The following NUDT16L1 variants were observed in gnomAD, a reference collection of about 807,000 sequenced individuals.
NUDT16L1 encodes tudor-interacting repair regulator protein.
NUDT16L1 carries 19 observed loss-of-function variants against 17.3 expected under a neutral mutation model. That is an observed-to-expected ratio of 1.10 (90% CI 0.77 to 1.61). The LOEUF is 1.61. NUDT16L1 is among the 40% of genes most tolerant of loss of function. The pLI is 0.00. For synonymous variants in NUDT16L1, 255 were observed against 138.6 expected (o/e 1.84, Z -5.90); for missense variants, 341 against 292.0 (o/e 1.17, Z -1.22).
chr16:4,694,150 T>A, exon 2 of NUDT16L1: 2 of 1,587,382 alleles, frequency 1.3e-6, no homozygotes, highest in Non-Finnish European at 1.7e-6. Flanking sequence ...CACCGCGTCG[T>A]GGCGCACCTG....
Position 4,694,715 on chromosome 16 carries a change from G to A in NUDT16L1, c.415-243G>A, listed in dbSNP as rs1596330412. The A allele has an allele frequency of 2.8e-6, 4 of 1,424,958 alleles. No homozygotes were observed. In the Admixed American group the frequency reaches 8.7e-5, roughly 31 times the overall value. 88.3% of individuals were successfully genotyped at this position (1,424,958 alleles called of 1,614,324 possible). On this transcript the variant is annotated intron_variant, in intron 2 of 2. Coordinates refer to ENST00000304301, the Ensembl canonical transcript of NUDT16L1. ...GAGCATGGGGTGCGGACCCCGGGGT[G>A]GGGTGGCCTGGGTACGAGGGGGGGG...
At chr16:4,694,384 G>A (rs1319963113) in intron 2 of NUDT16L1, 146 bp downstream of exon 2, 1 of 1,485,598 alleles carries the variant, frequency 6.7e-7, no homozygotes, top group Non-Finnish European at 8.9e-7. Flanking sequence ...TGGGGAGAGG[G>A]GTCTGGGGCT....
At chr16:4,695,424 T>C in exon 3 of NUDT16L1, 1 of 594,804 alleles carries the variant, frequency 1.7e-6, no homozygotes, top group South Asian at 2.1e-5. Flanking sequence ...AGCCTCAGGA[T>C]GCTCTTGTTT....
intron 2 of NUDT16L1, chr16:4,694,683 A>G: frequency 3.3e-6 from 4 of 1,201,144 alleles, no homozygotes; most frequent in East Asian, 4.1e-5. Flanking sequence ...CGTTGGGTGG[A>G]CGGGGGGAGC....
chr16:4,694,581 TTG>T (rs1567266239), intron 2 of NUDT16L1: 1 of 1,432,486 alleles, frequency 7.0e-7, no homozygotes, highest in East Asian at 2.6e-5. Context: ...ACAGCGGGGG[TTG>T]TAAAACTTGG....
exon 3 of NUDT16L1, chr16:4,695,779 T>C (rs1311625075): frequency 2.5e-6 from 1 of 396,486 alleles, no homozygotes; most frequent in Non-Finnish European, 4.4e-6. Flanking sequence ...AGTCAGGGCC[T>C]CGGGGGCCCA....
upstream of NUDT16L1, chr16:4,693,598 G>A: frequency 8.9e-7 from 1 of 1,129,202 alleles, no homozygotes; most frequent in Non-Finnish European, 1.1e-6. Flanking sequence ...GCTCGGTCCC[G>A]GGGCGCGCCG....
At position 4,695,404 on chromosome 16, in the gene NUDT16L1, C is replaced by G. The variant is rs545479187; in HGVS notation, c.*225C>G. The G allele has an allele frequency of 6.2e-4, 372 of 597,768 alleles. 2 individuals are homozygous for G. The highest frequency in any genetic ancestry group is 8.6e-5 in the Non-Finnish European group (29 of 335,804). The allele number at this position is 597,768 out of a possible 1,614,324, so 37.0% of individuals were successfully genotyped here. A position where few individuals can be genotyped will look rare whatever the true frequency, so the allele number is the denominator to read the frequency against. ...GCAGGGTGGTCCGGGCACACTGGGC[C>G]TGCCTCTCCAGCCTCAGGATGCTCT... On this transcript the variant is annotated 3_prime_UTR_variant, in exon 3 of 3. Transcript: ENST00000304301.
exon 3 of NUDT16L1, chr16:4,694,982 C>T: frequency 6.2e-7 from 1 of 1,611,352 alleles, no homozygotes; most frequent in Non-Finnish European, 8.5e-7. Context: ...GCGGGTCCCG[C>T]TGTACACCCA....
At chr16:4,695,115 C>T in exon 3 of NUDT16L1, 3 of 1,609,732 alleles carry the variant, frequency 1.9e-6, no homozygotes, top group Non-Finnish European at 2.5e-6. Flanking sequence ...CTGGTTGAGG[C>T]CCTGGCTGCA....
At chr16:4,695,180 G>A in exon 3 of NUDT16L1, 1 of 1,611,678 alleles carries the variant, frequency 6.2e-7, no homozygotes, top group Non-Finnish European at 8.5e-7. Flanking sequence ...CTCCTCTTGA[G>A]GGCTGCCTGA....
chr16:4,695,303 C>T (rs1361768780), exon 3 of NUDT16L1: 3 of 950,222 alleles, frequency 3.2e-6, no homozygotes, highest in South Asian at 3.1e-5. Context: ...GGCATCCTGT[C>T]ATCATCTCCA....
At chr16:4,695,478 G>C (rs1441477405) in exon 3 of NUDT16L1, 2 of 575,208 alleles carry the variant, frequency 3.5e-6, no homozygotes, top group Non-Finnish European at 3.1e-6. Context: ...ATCACAGCTG[G>C]TAGAGACCCA....
At chr16:4,694,551 G>A in intron 2 of NUDT16L1, 2 of 1,456,758 alleles carry the variant, frequency 1.4e-6, no homozygotes, top group South Asian at 1.4e-5. Context: ...GGATTGCTTG[G>A]GGAGTTGGGA....
chr16:4,693,925 C>G lies in NUDT16L1; in HGVS notation c.153+46C>G, dbSNP rs2079478974. 6.7e-6 allele frequency: 10 copies of G among 1,495,544 alleles called. No homozygotes were observed. The South Asian group carries it at 1.3e-4, about 19-fold the overall frequency. The allele number at this position is 1,495,544 out of a possible 1,614,324, so 92.6% of individuals were successfully genotyped here. On this transcript the variant is annotated intron_variant, in intron 1 of 2. Coordinates refer to ENST00000304301, the Ensembl canonical transcript of NUDT16L1. ...GGGCGAGGGTGCCGGCGCGGGCGGGCCCGGGCGGGGGCGTCCGTCGACCCC... is the reference window on the plus strand; with the variant it reads ...GGGCGAGGGTGCCGGCGCGGGCGGGGCCGGGCGGGGGCGTCCGTCGACCCC...
chr16:4,695,486 C>T, exon 3 of NUDT16L1: 1 of 562,204 alleles, frequency 1.8e-6, no homozygotes, highest in Non-Finnish European at 3.2e-6. Context: ...TGGTAGAGAC[C>T]CAGGAGTGCC....
exon 3 of NUDT16L1, chr16:4,695,215 G>GGAA (rs2079517600): frequency 2.5e-6 from 4 of 1,590,428 alleles, no homozygotes; most frequent in Non-Finnish European, 2.6e-6. Context: ...CCCCTGGGCC[G>GGAA]GAAGACTGGG....
exon 3 of NUDT16L1, chr16:4,695,532 C>A (rs1262896262): frequency 2.0e-6 from 1 of 493,402 alleles, no homozygotes; most frequent in Non-Finnish European, 3.6e-6. Flanking sequence ...AGCTCTGGGA[C>A]CACTCAGAAG....
chr16:4,695,831 C>T (rs775743000), exon 3 of NUDT16L1: 173 of 359,488 alleles, frequency 4.8e-4, no homozygotes, highest in Non-Finnish European at 7.7e-4. Flanking sequence ...ACAATAAAGT[C>T]GCTCCGCAGC....
Sources: allele counts gnomAD v4.1 joint callset, GRCh38; gene constraint gnomAD v4.1.1; transcripts MANE v1.5; gene names NCBI Gene and HGNC (gene_info 2026-07-23, HGNC 2026-07-21).